The following ACTN1 variants were observed in gnomAD, a reference collection of about 807,000 sequenced individuals.
ACTN1 encodes the protein actinin alpha 1.
A neutral mutation model predicts 119.6 loss-of-function variants in ACTN1; 30 were observed. The ratio of observed to expected loss-of-function variants is 0.25; its 90% CI spans 0.19 to 0.34. ACTN1 has a LOEUF of 0.34. ACTN1 is among the 10% of genes least tolerant of loss of function. ACTN1 has a pLI of 1.00. For missense variants in ACTN1, 764 were observed against 1,223.4 expected, an observed-to-expected ratio of 0.62 and a Z score of 5.60; for synonymous variants, 429 against 472.6, an observed-to-expected ratio of 0.91 and a Z score of 1.20.
intron 8 of ACTN1, among the ~76,000 whole-genome samples, chr14:68,900,583 G>A (rs986593767): frequency 1.2e-4 from 18 of 152,176 alleles, no homozygotes; most frequent in Admixed American, 5.2e-4. Flanking sequence ...CTCTTGATGC[G>A]GGGTGCAGGG....
At chr14:68,978,795 C>T (rs1010113449) in intron 1 of ACTN1, 157 bp downstream of exon 1, 1 of 469,594 alleles carries the variant, frequency 2.1e-6, no homozygotes. Flanking sequence ...GCGCCTGTAA[C>T]CCAACACCCC....
rs1274972449 is a variant in ACTN1, at chr14:68,875,175, C to T, written c.2587-158G>A. 9 of 1,516,134 alleles carry T rather than the reference C, an allele frequency of 5.9e-6. No individual in the cohort carries two copies. The Admixed American group carries it at 8.0e-5, about 13-fold the overall frequency. 93.9% of individuals were successfully genotyped at this position (1,516,134 alleles called of 1,614,324 possible). On this transcript the variant is annotated intron_variant, in intron 21 of 21. Coordinates refer to ENST00000394419, the MANE Select transcript of ACTN1 (RefSeq NM_001130004.2). ...CAGGATGTACGGACGTAAATATCCA[C>T]ACATGTACATACCGCATACACAACA... is the stretch of plus-strand genomic sequence containing the variant.
At chr14:68,957,768 T>C (rs1274373861) in intron 1 of ACTN1, among the ~76,000 whole-genome samples, 1 of 151,654 alleles carries the variant, frequency 6.6e-6, no homozygotes, top group Non-Finnish European at 1.5e-5. Context: ...TGGGAAGGGG[T>C]CTCCCTGCCC....
chr14:68,918,090 C>T (rs1187959619), intron 3 of ACTN1, among the ~76,000 whole-genome samples: 1 of 152,090 alleles, frequency 6.6e-6, no homozygotes, highest in Non-Finnish European at 1.5e-5. Flanking sequence ...AATAAAGGAG[C>T]CTTTTCAAAA....
intron 8 of ACTN1, among the ~76,000 whole-genome samples, chr14:68,894,408 C>T (rs561556309): frequency 3.3e-5 from 5 of 152,168 alleles, no homozygotes; most frequent in South Asian, 2.1e-4. Context: ...ACACATCATG[C>T]GCTGCGTGCT....
In ACTN1 at chr14:68,884,871, A is replaced by G; in HGVS notation, c.1398T>C (p.Tyr466=). ...GGGCGTTGACACTGGGTGAGTCATA[A>G]TAGTCCAGCTCACTGGGGAGGGAAG... ...AIAQELNELD[Y]YDSPSVNARC... The change falls in exon 13 of 22, where the codon TAT becomes TAC. Residue 466 remains tyrosine, a synonymous_variant. Transcript: ENST00000394419. 2 of 1,613,732 alleles carry G rather than the reference A, an allele frequency of 1.2e-6. No homozygotes were observed. The highest frequency in any genetic ancestry group is 1.7e-6 in the Non-Finnish European group (2 of 1,179,570).
intron 14 of ACTN1, chr14:68,883,361 A>C: frequency 3.0e-6 from 1 of 334,160 alleles, no homozygotes; most frequent in Admixed American, 4.2e-5. Context: ...CTCCCACAAC[A>C]TGAGCTTCCT....
chr14:68,975,793 T>C (rs2037040630), intron 1 of ACTN1, among the ~76,000 whole-genome samples: 1 of 152,206 alleles, frequency 6.6e-6, no homozygotes, highest in East Asian at 1.9e-4. Flanking sequence ...GACCAGCCCA[T>C]GAACTCCGTA....
At position 68,954,132 on chromosome 14, in the gene ACTN1, C is replaced by T. The variant is rs193286899; in HGVS notation, c.105+24820G>A. 3.4e-4 allele frequency among the ~76,000 whole-genome samples: 51 copies of T among 152,064 alleles called. 1 individual carries two copies. The highest frequency in any genetic ancestry group is 1.1e-3 in the African/African-American group (46 of 41,474). On this transcript the variant is annotated intron_variant, in intron 1 of 21. Transcript: ENST00000394419. ...TAATGTATTACTCTTTAGTGTTCTCCGACTTTCAACAGTCTGTTGAATATT... is the reference window on the plus strand; with the variant it reads ...TAATGTATTACTCTTTAGTGTTCTCTGACTTTCAACAGTCTGTTGAATATT...
At chr14:68,911,731 C>G (rs181115762) in intron 4 of ACTN1, among the ~76,000 whole-genome samples, 224 of 152,262 alleles carry the variant, frequency 1.5e-3, no homozygotes, top group African/African-American at 5.1e-3. Context: ...GTAGAGATCA[C>G]CTCTCCAGAC....
At position 68,874,694 on chromosome 14, in the gene ACTN1, T is replaced by C. The variant is rs1052417072; in HGVS notation, c.*165A>G. 2.4e-5 allele frequency: 14 copies of C among 588,820 alleles called. No individual in the cohort carries two copies. Among genetic ancestry groups the C allele is most frequent in the Non-Finnish European group, 2.8e-5 (11 of 392,112 alleles). 36.5% of individuals were successfully genotyped at this position (588,820 alleles called of 1,614,324 possible). On this transcript the variant is annotated 3_prime_UTR_variant, in exon 22 of 22. Coordinates refer to ENST00000394419, the MANE Select transcript of ACTN1 (RefSeq NM_001130004.2). ...TTTTTTCTTTTTTGCAGAAAATAATTTTGTAAACTGTCACTTCGCGGGCAG... is the reference window on the plus strand; with the variant it reads ...TTTTTTCTTTTTTGCAGAAAATAATCTTGTAAACTGTCACTTCGCGGGCAG...
intron 16 of ACTN1, among the ~76,000 whole-genome samples, chr14:68,881,680 T>C (rs780264071): frequency 2.0e-4 from 31 of 152,216 alleles, no homozygotes; most frequent in Non-Finnish European, 4.1e-4. Context: ...GAGGCCATGC[T>C]CTAGCCAAGC....
chr14:68,920,473 T>C (rs866557803), intron 3 of ACTN1, among the ~76,000 whole-genome samples: 2 of 152,196 alleles, frequency 1.3e-5, no homozygotes, highest in African/African-American at 4.8e-5. Flanking sequence ...TTTTAATCAT[T>C]AAGGAAATGC....
At chr14:68,906,206 G>A (rs1244834656) in intron 6 of ACTN1, among the ~76,000 whole-genome samples, 1 of 152,198 alleles carries the variant, frequency 6.6e-6, no homozygotes, top group Non-Finnish European at 1.5e-5. Context: ...TGAACAGTAA[G>A]TGTATTTAAA....
intron 8 of ACTN1, among the ~76,000 whole-genome samples, chr14:68,899,474 C>T (rs2033158281): frequency 7.1e-6 from 1 of 141,558 alleles, no homozygotes; most frequent in East Asian, 2.0e-4. Context: ...CACATACACA[C>T]ACCACACTCC....
intron 3 of ACTN1, among the ~76,000 whole-genome samples, chr14:68,914,342 CAATA>C (rs755705697): frequency 6.6e-6 from 1 of 152,154 alleles, no homozygotes; most frequent in African/African-American, 2.4e-5. Flanking sequence ...ACTAAACTCT[CAATA>C]AATAGGCAAA....
chr14:68,928,817 C>A (rs1373281278), intron 1 of ACTN1, among the ~76,000 whole-genome samples: 3 of 152,158 alleles, frequency 2.0e-5, no homozygotes, highest in Non-Finnish European at 4.4e-5. Flanking sequence ...TCCCTGCCCC[C>A]AGCCACCAAA....
At position 68,967,531 on chromosome 14, in the gene ACTN1, G is replaced by A. The variant is rs1342945698; in HGVS notation, c.105+11421C>T. ...GGAGCCTCAGATCAGTTACAGATCA[G>A]TGACATCCCCTGAGAATCCTCTAAA... On this transcript the variant is annotated intron_variant, in intron 1 of 21. Transcript: ENST00000394419. 1.3e-5 allele frequency among the ~76,000 whole-genome samples: 2 copies of A among 152,246 alleles called. 1 individual carries two copies. The highest frequency in any genetic ancestry group is 4.1e-4 in the South Asian group (2 of 4,834).
rs1566598031 is a variant in ACTN1 at position 68,885,724 on chromosome 14, G to A, written c.1235-149C>T. 2.2e-6 allele frequency: 2 copies of A among 903,402 alleles called. No homozygotes were observed. The highest frequency in any genetic ancestry group is 3.5e-5 in the South Asian group (2 of 57,302). The allele number at this position is 903,402 out of a possible 1,614,324, so 56.0% of individuals were successfully genotyped here. A position where few individuals can be genotyped will look rare whatever the true frequency, so the allele number is the denominator to read the frequency against. On this transcript the variant is annotated intron_variant, in intron 11 of 21. Transcript: ENST00000394419. The surrounding 1 kb of genome is among the most constrained non-coding windows in gnomAD (Gnocchi z 5.6). ...GTGCAGGGATCTGCAGGGTGCAAAA[G>A]CAGATGTGCAACTAGAACATCCACC...
Sources: gnomAD v4.1 joint callset for allele counts (sites outside exome capture counted in the v4.1 genomes callset) on GRCh38, gnomAD v4.1.1 for gene constraint, Gnocchi (gnomAD v3.1) non-coding constraint, MANE v1.5 for transcripts, NCBI Gene and HGNC (gene_info 2026-07-23, HGNC 2026-07-21) for gene names.